TTLL11: variants seen among roughly 807,000 people sequenced by gnomAD.
TTLL11 encodes tubulin polyglutamylase TTLL11.
Under a neutral mutation model 51.7 loss-of-function variants are expected in TTLL11, and 42 were observed. The observed-to-expected ratio is 0.81, with a 90% confidence interval of 0.64 to 1.05. The LOEUF (loss-of-function observed/expected upper bound fraction) is 1.05, where lower values mean the gene tolerates loss of function less well. TTLL11 is among the 50% of genes least tolerant of loss of function. The probability of loss-of-function intolerance (pLI) is 0.00; values close to 1 mark genes in which losing one functional copy is unlikely to be tolerated. For missense variants in TTLL11, 799 were observed against 940.4 expected (o/e 0.85, Z 1.97); for synonymous variants, 381 against 383.5 (o/e 0.99, Z 0.08).
intron 6 of TTLL11, among the ~76,000 whole-genome samples, chr9:121,932,210 A>T (rs1588134957): frequency 9.6e-6 from 1 of 104,686 alleles, no homozygotes; most frequent in Non-Finnish European, 2.1e-5. Context: ...AGGATGCAGC[A>T]AGAAGCCTGA....
At position 121,822,844 on chromosome 9, in the gene TTLL11, AAAAG is replaced by A; in HGVS notation, c.1872_1875del (p.Phe625SerfsTer19). On this transcript the variant is annotated frameshift_variant, in exon 9 of 9. Transcript: ENST00000321582. LOFTEE classifies it low-confidence loss of function (END_TRUNC). This position sits in a 1 kb window ranked among gnomAD's most constrained non-coding sequence, Gnocchi z 5.8. ...ATCTTGAACTTCCTCTGAGCCAGGAAAAAGAAAGCTTCTACGAAGGCCTGCAGAC... is the reference window on the plus strand; with the variant it reads ...ATCTTGAACTTCCTCTGAGCCAGGAAAAAGCTTCTACGAAGGCCTGCAGAC... The A allele has an allele frequency of 6.4e-7, 1 of 1,551,446 alleles. No individual in the cohort carries two copies. Among genetic ancestry groups the A allele is most frequent in the Non-Finnish European group, 8.7e-7 (1 of 1,146,902 alleles).
intron 8 of TTLL11, among the ~76,000 whole-genome samples, chr9:121,826,203 T>TAC (rs1327012411): frequency 1.8e-5 from 2 of 112,590 alleles, no homozygotes; most frequent in African/African-American, 3.9e-5. Flanking sequence ...TATATATATA[T>TAC]ATATATATAT....
rs777816986 is a variant in TTLL11, at chr9:122,020,168, C to T, written c.693+11555G>A. ...AGTGACTCCACACTGCTCATCATTCCAAAATGCCATACTATTTCATGACTT... is the reference window on the plus strand; with the variant it reads ...AGTGACTCCACACTGCTCATCATTCTAAAATGCCATACTATTTCATGACTT... On this transcript the variant is annotated intron_variant, in intron 3 of 8. Coordinates refer to ENST00000321582, the MANE Select transcript of TTLL11 (RefSeq NM_001139442.2). Among the ~76,000 whole-genome samples, 95 of 152,324 alleles carry T rather than the reference C, an allele frequency of 6.2e-4. 1 individual carries two copies. Among genetic ancestry groups the T allele is most frequent in the South Asian group, 4.1e-4 (2 of 4,832 alleles).
intron 6 of TTLL11, among the ~76,000 whole-genome samples, chr9:121,945,160 G>C (rs1841618207): frequency 6.6e-6 from 1 of 152,154 alleles, no homozygotes; most frequent in African/African-American, 2.4e-5. Flanking sequence ...GGGTGCAAGG[G>C]ACAGTTGCTG....
At chr9:122,088,233 A>G (rs957117559) in intron 1 of TTLL11, among the ~76,000 whole-genome samples, 5 of 152,170 alleles carry the variant, frequency 3.3e-5, no homozygotes, top group African/African-American at 1.2e-4. Context: ...CCCATCCTGC[A>G]TGTAAAACCT....
chr9:122,062,422 G>A (rs1024108767), intron 1 of TTLL11, among the ~76,000 whole-genome samples: 64 of 139,402 alleles, frequency 4.6e-4, no homozygotes, highest in African/African-American at 1.7e-3. Flanking sequence ...AACCAAATCT[G>A]TATCCCATTA....
chr9:121,968,254 A>G (rs1006327250), intron 6 of TTLL11, among the ~76,000 whole-genome samples: 18 of 152,220 alleles, frequency 1.2e-4, no homozygotes, highest in Admixed American at 3.3e-4. Flanking sequence ...GTCACTAGAT[A>G]TTACAAAATG....
At chr9:121,871,270 G>A (rs1029207456) in intron 6 of TTLL11, among the ~76,000 whole-genome samples, 1 of 151,700 alleles carries the variant, frequency 6.6e-6, no homozygotes, top group Non-Finnish European at 1.5e-5. Flanking sequence ...TGATTATAGT[G>A]TAGTGATTCC....
At chr9:122,085,042 C>G (rs1307781982) in intron 1 of TTLL11, among the ~76,000 whole-genome samples, 1 of 152,100 alleles carries the variant, frequency 6.6e-6, no homozygotes, top group Non-Finnish European at 1.5e-5. Flanking sequence ...GGCAGATCAT[C>G]TGAGGTCAGG....
intron 4 of TTLL11, among the ~76,000 whole-genome samples, chr9:121,978,804 C>G (rs1016141426): frequency 2.0e-5 from 3 of 152,102 alleles, no homozygotes; most frequent in Non-Finnish European, 4.4e-5. Flanking sequence ...AGCAGTGGTT[C>G]GTTCCTGAGC....
chr9:121,892,111 T>C (rs1306263475), intron 6 of TTLL11, among the ~76,000 whole-genome samples: 2 of 145,250 alleles, frequency 1.4e-5, no homozygotes, highest in African/African-American at 5.0e-5. Context: ...ATTATGAAAG[T>C]TAAAAAGTCT....
chr9:121,886,294 C>G (rs535118045), intron 6 of TTLL11, among the ~76,000 whole-genome samples: 40 of 152,270 alleles, frequency 2.6e-4, no homozygotes, highest in African/African-American at 9.4e-4. Flanking sequence ...ACCCCTGAAA[C>G]CTGTGAATGT....
chr9:122,043,725 A>G (rs529995322), intron 1 of TTLL11, among the ~76,000 whole-genome samples: 1 of 152,292 alleles, frequency 6.6e-6, no homozygotes, highest in Non-Finnish European at 1.5e-5. Context: ...TAAAAATTAA[A>G]AACTTTTTTT....
chr9:121,899,364 T>TGA (rs1452630631), intron 6 of TTLL11, among the ~76,000 whole-genome samples: 1 of 86,746 alleles, frequency 1.2e-5, no homozygotes, highest in African/African-American at 3.8e-5. Context: ...TATGTGTGTG[T>TGA]GTATATATAT....
At chr9:121,918,846 A>C (rs1840429656) in intron 6 of TTLL11, among the ~76,000 whole-genome samples, 1 of 152,250 alleles carries the variant, frequency 6.6e-6, no homozygotes, top group African/African-American at 2.4e-5. Flanking sequence ...ACAAGTGTTG[A>C]GTGAGGGAAG....
At chr9:121,869,736 T>C (rs572539978) in intron 7 of TTLL11, among the ~76,000 whole-genome samples, 58 of 152,314 alleles carry the variant, frequency 3.8e-4, no homozygotes, top group Admixed American at 1.1e-3. Context: ...CACACACTAT[T>C]GTAGGGCACA....
At chr9:121,986,319 G>T (rs1232851234) in intron 4 of TTLL11, among the ~76,000 whole-genome samples, 1 of 152,150 alleles carries the variant, frequency 6.6e-6, no homozygotes, top group Non-Finnish European at 1.5e-5. Flanking sequence ...CCAAGCCAGG[G>T]CTCTGTGGCT....
rs187883267 is a variant in TTLL11, at chr9:121,845,436, T to C, written c.1840+14901A>G. 1.3e-3 allele frequency among the ~76,000 whole-genome samples: 192 copies of C among 151,952 alleles called. 2 individuals carry two copies. Among genetic ancestry groups the C allele is most frequent in the Middle Eastern group, 6.8e-3 (2 of 294 alleles). On this transcript the variant is annotated intron_variant, in intron 8 of 8. Transcript: ENST00000321582. Reference sequence around the variant, plus strand: ...CAAATTTCAGAGAACAGAAAAATGATATGGGCCAGAGACTCAGATCTACAT... The same window carrying C: ...CAAATTTCAGAGAACAGAAAAATGACATGGGCCAGAGACTCAGATCTACAT...
chr9:121,987,016 T>A (rs1842959605), intron 4 of TTLL11, among the ~76,000 whole-genome samples: 2 of 152,148 alleles, frequency 1.3e-5, no homozygotes, highest in African/African-American at 4.8e-5. Flanking sequence ...TGGAAAAGAA[T>A]GTTGCAGAAG....
Sources: allele counts gnomAD v4.1 joint callset (sites outside exome capture counted in the v4.1 genomes callset), GRCh38; gene constraint gnomAD v4.1.1; non-coding constraint Gnocchi (gnomAD v3.1); transcripts MANE v1.5; gene names NCBI Gene and HGNC (gene_info 2026-07-23, HGNC 2026-07-21).